Variants in COL23A1 observed in about 807,000 individuals in gnomAD.
COL23A1 encodes the protein collagen alpha-1(XXIII) chain.
COL23A1 carries 97 observed loss-of-function variants against 99.3 expected under a neutral mutation model. The ratio of observed to expected loss-of-function variants is 0.98; its 90% CI spans 0.83 to 1.16. The LOEUF is 1.16. COL23A1 is among the 50% of genes most tolerant of loss of function. COL23A1 has a pLI of 0.00. For synonymous variants in COL23A1, 320 were observed against 308.2 expected (o/e 1.04, Z -0.40); for missense variants, 762 against 757.4 (o/e 1.01, Z -0.07).
At position 178,359,519 on chromosome 5, in the gene COL23A1, C is replaced by A. The variant is rs981436899; in HGVS notation, c.362-52600G>T. On this transcript the variant is annotated intron_variant, in intron 2 of 28. Transcript: ENST00000390654. ...CTCTAGCCTGGGTGACAGAGCGAAA[C>A]TCTTGTCTCAAAAAAAAGATCATGA... 1.1e-4 allele frequency among the ~76,000 whole-genome samples: 17 copies of A among 152,262 alleles called. 1 individual carries two copies. The highest frequency in any genetic ancestry group is 4.1e-4 in the African/African-American group (17 of 41,548).
intron 2 of COL23A1, among the ~76,000 whole-genome samples, chr5:178,541,284 C>A (rs745578331): frequency 3.9e-5 from 6 of 152,126 alleles, no homozygotes; most frequent in South Asian, 2.1e-4. Context: ...GGGACTATCA[C>A]CCTCTTTCAA....
intron 2 of COL23A1, among the ~76,000 whole-genome samples, chr5:178,353,628 C>T (rs1369975313): frequency 1.3e-5 from 2 of 152,176 alleles, no homozygotes; most frequent in East Asian, 1.9e-4. Context: ...CGCAGCTTCT[C>T]CTCTCTTAGG....
At chr5:178,378,528 G>C (rs545622344) in intron 2 of COL23A1, among the ~76,000 whole-genome samples, 4 of 152,348 alleles carry the variant, frequency 2.6e-5, no homozygotes, top group South Asian at 4.1e-4. Context: ...TAAAACCAGA[G>C]CTCAAGTGAG....
At chr5:178,385,658 C>T (rs1236173382) in intron 2 of COL23A1, among the ~76,000 whole-genome samples, 2 of 152,178 alleles carry the variant, frequency 1.3e-5, no homozygotes, top group Non-Finnish European at 2.9e-5. Flanking sequence ...TGTCTGAGGA[C>T]GTTAAGCGCA....
chr5:178,468,610 G>A lies in COL23A1; in HGVS notation c.361+92072C>T, dbSNP rs980513797. ...ACGCAGAGCAGCTTCCCCTCCCCTC[G>A]AGTCCCCCCAGGCAGCCTGGAGGGA... On this transcript the variant is annotated intron_variant, in intron 2 of 28. Coordinates refer to ENST00000390654, the MANE Select transcript of COL23A1 (RefSeq NM_173465.4). This position sits in a 1 kb window ranked among gnomAD's most constrained non-coding sequence, Gnocchi z 4.2. Among the ~76,000 whole-genome samples the A allele has an allele frequency of 2.0e-5, 3 of 151,874 alleles. No homozygotes were observed. The highest frequency in any genetic ancestry group is 2.1e-4 in the South Asian group (1 of 4,804).
chr5:178,502,869 C>G (rs1407766259), intron 2 of COL23A1, among the ~76,000 whole-genome samples: 1 of 152,178 alleles, frequency 6.6e-6, no homozygotes, highest in Non-Finnish European at 1.5e-5. Flanking sequence ...CACCATCACG[C>G]CCACACGCCC....
chr5:178,374,519 T>A (rs150017156), intron 2 of COL23A1, among the ~76,000 whole-genome samples: 2 of 152,230 alleles, frequency 1.3e-5, no homozygotes, highest in South Asian at 4.1e-4. Context: ...GGGTTTGCAT[T>A]CCAGCTCTGC....
chr5:178,547,264 C>T (rs914002060), intron 2 of COL23A1, among the ~76,000 whole-genome samples: 9 of 152,004 alleles, frequency 5.9e-5, no homozygotes, highest in African/African-American at 1.7e-4. Flanking sequence ...GGGGCACACT[C>T]GGAACTCAGC....
At chr5:178,388,044 C>T (rs1369093009) in intron 2 of COL23A1, among the ~76,000 whole-genome samples, 5 of 152,154 alleles carry the variant, frequency 3.3e-5, no homozygotes, top group East Asian at 1.9e-4. Context: ...ACCCAGCGCA[C>T]GCTCTCCACG....
At chr5:178,368,228 G>A (rs895316222) in intron 2 of COL23A1, among the ~76,000 whole-genome samples, 3 of 152,218 alleles carry the variant, frequency 2.0e-5, no homozygotes, top group Non-Finnish European at 2.9e-5. Context: ...CATGGGTTAA[G>A]GGGGAGGAAT....
chr5:178,361,613 C>T (rs998308208), intron 2 of COL23A1, among the ~76,000 whole-genome samples: 3 of 152,080 alleles, frequency 2.0e-5, no homozygotes, highest in African/African-American at 7.2e-5. Context: ...CTACAGGACT[C>T]ATGTTTTCCT....
At chr5:178,315,678 C>T (rs898365674) in intron 2 of COL23A1, among the ~76,000 whole-genome samples, 1 of 151,426 alleles carries the variant, frequency 6.6e-6, no homozygotes, top group South Asian at 2.1e-4. Flanking sequence ...ATCAGACTGT[C>T]AGAGCTCTTG....
intron 2 of COL23A1, among the ~76,000 whole-genome samples, chr5:178,478,560 C>T (rs1757154771): frequency 6.6e-6 from 1 of 152,194 alleles, no homozygotes; most frequent in African/African-American, 2.4e-5. Context: ...GTCCGGGAAA[C>T]ATCTGGGTGG....
At chr5:178,555,739 A>T (rs1414493524) in intron 2 of COL23A1, among the ~76,000 whole-genome samples, 1 of 152,104 alleles carries the variant, frequency 6.6e-6, no homozygotes, top group Non-Finnish European at 1.5e-5. Context: ...CGGAGTCAAG[A>T]CTCAAGTCCA....
Position 178,306,801 on chromosome 5 carries a change from G to C in COL23A1, c.406+74C>G. 1 of 1,167,902 alleles carries C rather than the reference G, an allele frequency of 8.6e-7. No individual in the cohort carries two copies. Among genetic ancestry groups the C allele is most frequent in the South Asian group, 1.8e-5 (1 of 54,298 alleles). The allele number at this position is 1,167,902 out of a possible 1,614,324, so 72.3% of individuals were successfully genotyped here. A position where few individuals can be genotyped will look rare whatever the true frequency, so the allele number is the denominator to read the frequency against. On this transcript the variant is annotated intron_variant, in intron 3 of 28. Coordinates refer to ENST00000390654, the MANE Select transcript of COL23A1 (RefSeq NM_173465.4). The surrounding 1 kb of genome is among the most constrained non-coding windows in gnomAD (Gnocchi z 4.1). ...CTCAGGGTGGGCAGCAGGTGGCCAG[G>C]CCCTGCAGTCAGAGCCTGGGGCCAT...
At chr5:178,388,435 CTTACTTAAGCAAGTGACTTACAT>C (rs1763788495) in intron 2 of COL23A1, among the ~76,000 whole-genome samples, 1 of 152,214 alleles carries the variant, frequency 6.6e-6, no homozygotes. Context: ...GTGGCTTACA[CTTACTTAAGCAAGTGACTTACAT>C]TTACTTAAGC....
At chr5:178,527,335 C>T (rs1196896623) in intron 2 of COL23A1, among the ~76,000 whole-genome samples, 8 of 152,182 alleles carry the variant, frequency 5.3e-5, no homozygotes, top group Admixed American at 2.6e-4. Flanking sequence ...GTTTCCACAC[C>T]GTCCCTGCAG....
intron 2 of COL23A1, among the ~76,000 whole-genome samples, chr5:178,526,940 A>G (rs964864353): frequency 1.4e-4 from 22 of 152,226 alleles, no homozygotes; most frequent in Non-Finnish European, 2.4e-4. Context: ...GCTGCCTTCC[A>G]AAAAGACGGC....
At chr5:178,252,301 T>TTA (rs1293905076) in intron 17 of COL23A1, among the ~76,000 whole-genome samples, 1 of 152,220 alleles carries the variant, frequency 6.6e-6, no homozygotes, top group African/African-American at 2.4e-5. Context: ...TCATTCCTTT[T>TTA]TATAGCTGCA....
Sources: gnomAD v4.1 joint callset for allele counts (sites outside exome capture counted in the v4.1 genomes callset) on GRCh38, gnomAD v4.1.1 for gene constraint, Gnocchi (gnomAD v3.1) non-coding constraint, MANE v1.5 for transcripts, NCBI Gene and HGNC (gene_info 2026-07-23, HGNC 2026-07-21) for gene names.